GPT2: variants seen among roughly 807,000 people sequenced by gnomAD.
GPT2 encodes alanine aminotransferase 2.
GPT2 carries 30 observed loss-of-function variants against 56.9 expected under a neutral mutation model. That is an observed-to-expected ratio of 0.53 (90% CI 0.39 to 0.72). The LOEUF is 0.72. GPT2 is among the 30% of genes least tolerant of loss of function. The probability of loss-of-function intolerance (pLI) is 0.00; values close to 1 mark genes in which losing one functional copy is unlikely to be tolerated. For missense variants in GPT2, 542 were observed against 703.4 expected (o/e 0.77, Z 2.60); for synonymous variants, 271 against 283.1 (o/e 0.96, Z 0.43).
chr16:46,911,490 T>G (rs913926154), intron 6 of GPT2, among the ~76,000 whole-genome samples: 1 of 152,094 alleles, frequency 6.6e-6, no homozygotes, highest in Admixed American at 6.6e-5. Flanking sequence ...CCTGGGAGTG[T>G]GGGGGATAAA....
chr16:46,916,725 CAGAGG>C lies in GPT2; in HGVS notation c.900+19_900+23del. 3 of 1,567,088 alleles carry C rather than the reference CAGAGG, an allele frequency of 1.9e-6. No homozygotes were observed. Among genetic ancestry groups the C allele is most frequent in the African/African-American group, 1.3e-5 (1 of 74,076 alleles). On this transcript the variant is annotated intron_variant, in intron 7 of 11. Transcript: ENST00000340124. The stretch of plus-strand genomic sequence containing the variant: ...CTGATGAGGTAAGAATGTCCCCACT[CAGAGG>C]GAGTGGGCACTAGCTTTCTCTTCTA...
chr16:46,893,802 A>C (rs1319586200), intron 2 of GPT2, among the ~76,000 whole-genome samples: 1 of 152,120 alleles, frequency 6.6e-6, no homozygotes, highest in African/African-American at 2.4e-5. Flanking sequence ...GTGGATTCGA[A>C]GGTGGCTCTA....
At chr16:46,886,322 C>A (rs1371494452) in intron 2 of GPT2, among the ~76,000 whole-genome samples, 1 of 152,194 alleles carries the variant, frequency 6.6e-6, no homozygotes, top group Non-Finnish European at 1.5e-5. Flanking sequence ...TGGTTTATCA[C>A]GTTACAGCTG....
At chr16:46,909,961 G>T in intron 6 of GPT2, 34 bp downstream of exon 6, 1 of 1,554,296 alleles carries the variant, frequency 6.4e-7, no homozygotes, top group South Asian at 1.2e-5. Flanking sequence ...GTTTCGTAGA[G>T]GGTGGGGGTG....
intron 2 of GPT2, among the ~76,000 whole-genome samples, chr16:46,891,782 A>G (rs1042822894): frequency 5.9e-5 from 9 of 151,280 alleles, no homozygotes; most frequent in African/African-American, 2.2e-4. Context: ...CCAATTATAT[A>G]TACTCTTTTA....
At position 46,929,326 on chromosome 16, in the gene GPT2, G is replaced by C; in HGVS notation, c.*329G>C. On this transcript the variant is annotated 3_prime_UTR_variant, in exon 12 of 12. Transcript: ENST00000340124. ...AGGATGTGTTGGGTGAGATGTTTCA[G>C]ATCTGGAGAAATGAGCAGGTGTCGG... is the stretch of plus-strand genomic sequence containing the variant. 1 of 301,238 alleles carries C rather than the reference G, an allele frequency of 3.3e-6. No individual in the cohort carries two copies. Among genetic ancestry groups the C allele is most frequent in the South Asian group, 4.4e-5 (1 of 22,748 alleles). The allele number at this position is 301,238 out of a possible 1,614,324, so 18.7% of individuals were successfully genotyped here.
At chr16:46,904,365 C>T (rs991865473) in intron 4 of GPT2, among the ~76,000 whole-genome samples, 5 of 152,184 alleles carry the variant, frequency 3.3e-5, no homozygotes, top group East Asian at 1.9e-4. Context: ...GAGCTATGAT[C>T]GTGCCGCTGC....
At chr16:46,889,246 A>ATTTTTT (rs35803215) in intron 2 of GPT2, among the ~76,000 whole-genome samples, 10 of 94,942 alleles carry the variant, frequency 1.1e-4, no homozygotes, top group East Asian at 1.0e-3. Context: ...CAGGCTGTTA[A>ATTTTTT]TTTTTTTTTT....
chr16:46,901,093 G>C (rs1960808585), intron 4 of GPT2, among the ~76,000 whole-genome samples: 1 of 152,352 alleles, frequency 6.6e-6, no homozygotes, highest in Admixed American at 6.5e-5. Context: ...GTCACAGCAG[G>C]TTTCACCCAG....
chr16:46,890,251 G>A (rs185766382), intron 2 of GPT2, among the ~76,000 whole-genome samples: 1 of 152,332 alleles, frequency 6.6e-6, no homozygotes, highest in Non-Finnish European at 1.5e-5. Flanking sequence ...GGTCTAGTTG[G>A]TGTTTGTCTT....
intron 6 of GPT2, chr16:46,916,409 G>A (rs1007388231): frequency 5.9e-5 from 31 of 526,366 alleles, no homozygotes; most frequent in African/African-American, 4.7e-4. Context: ...CGCATAACTG[G>A]CTGAGGAGAG....
At chr16:46,898,280 G>C (rs550807730) in intron 3 of GPT2, among the ~76,000 whole-genome samples, 1 of 152,342 alleles carries the variant, frequency 6.6e-6, no homozygotes, top group Admixed American at 6.5e-5. Flanking sequence ...CCAGATTGGG[G>C]ACGGCCACTG....
At chr16:46,900,577 C>T (rs1260029478) in intron 3 of GPT2, 105 bp from the exon 4 acceptor site, 3 of 829,156 alleles carry the variant, frequency 3.6e-6, no homozygotes, top group African/African-American at 1.7e-5. Context: ...AGGCTTGCGT[C>T]AGCCCCATCC....
intron 8 of GPT2, among the ~76,000 whole-genome samples, chr16:46,921,976 T>C (rs1192085540): frequency 6.6e-6 from 1 of 152,190 alleles, no homozygotes; most frequent in Non-Finnish European, 1.5e-5. Flanking sequence ...GGACTATTGC[T>C]TGAGCCTAGG....
At chr16:46,896,598 A>G (rs570062693) in intron 2 of GPT2, among the ~76,000 whole-genome samples, 238 of 152,250 alleles carry the variant, frequency 1.6e-3, no homozygotes, top group Admixed American at 3.3e-3. Flanking sequence ...CATTTAGACC[A>G]TTGCGGTAGA....
At chr16:46,920,683 G>A (rs533648293) in intron 8 of GPT2, among the ~76,000 whole-genome samples, 16 of 152,372 alleles carry the variant, frequency 1.1e-4, no homozygotes, top group African/African-American at 3.1e-4. Context: ...CCCTTGGGAT[G>A]GCTGCCAAAC....
intron 10 of GPT2, among the ~76,000 whole-genome samples, chr16:46,926,130 CAAAAAAA>C (rs57922941): frequency 1.7e-5 from 1 of 58,166 alleles, no homozygotes. Context: ...GACTCTGTCT[CAAAAAAA>C]AAAAAAAAAA....
chr16:46,887,792 G>T (rs1248755845), intron 2 of GPT2, among the ~76,000 whole-genome samples: 1 of 152,148 alleles, frequency 6.6e-6, no homozygotes, highest in African/African-American at 2.4e-5. Context: ...ACTTTGGGTG[G>T]CTGGCCAAGC....
In GPT2 at chr16:46,900,768, G is replaced by T. The variant is rs1037477114; in HGVS notation, c.420G>T (p.Gln140His). The change falls in exon 4 of 12, where the codon CAG becomes CAT. Residue 140 changes from glutamine to histidine, a missense_variant. Physicochemically the swap from Gln to His is conservative, Grantham distance 24. Transcript: ENST00000340124. The stretch of plus-strand genomic sequence containing the variant: ...AGAAACGTGCCCGGCGGATCCTGCA[G>T]GCTTGTGGCGGGAACAGCCTGGGTG... ...DAKKRARRIL[Q>H]ACGGNSLGSY... is the part of the protein sequence containing the mutation. 1.9e-6 allele frequency: 3 copies of T among 1,613,974 alleles called. No homozygotes were observed. In the African/African-American group the frequency reaches 4.0e-5, roughly 22 times the overall value.
Sources: allele counts gnomAD v4.1 joint callset (sites outside exome capture counted in the v4.1 genomes callset), GRCh38; gene constraint gnomAD v4.1.1; transcripts MANE v1.5; gene names NCBI Gene and HGNC (gene_info 2026-07-23, HGNC 2026-07-21).